CTNNA2: variants seen among roughly 807,000 people sequenced by gnomAD.
CTNNA2 encodes the protein catenin alpha 2.
CTNNA2 carries 42 observed loss-of-function variants against 101.0 expected under a neutral mutation model. The observed-to-expected ratio is 0.42, with a 90% CI of 0.32 to 0.54. The LOEUF is 0.54. Among genes scored for constraint, CTNNA2 ranks in the 20% least tolerant of loss-of-function variants. The probability of loss-of-function intolerance (pLI) is 0.14; values close to 1 mark genes in which losing one functional copy is unlikely to be tolerated. For missense variants in CTNNA2, 871 were observed against 1,223.1 expected (o/e 0.71, Z 4.29); for synonymous variants, 450 against 456.4 (o/e 0.99, Z 0.18).
intron 8 of CTNNA2, among the ~76,000 whole-genome samples, chr2:80,402,688 G>T (rs1427251981): frequency 6.6e-6 from 1 of 151,206 alleles, no homozygotes; most frequent in Non-Finnish European, 1.5e-5. Flanking sequence ...AGGAACCAGG[G>T]CAGAGGTCTG....
chr2:80,584,521 A>C (rs2149724624), intron 14 of CTNNA2, among the ~76,000 whole-genome samples: 1 of 151,990 alleles, frequency 6.6e-6, no homozygotes, highest in African/African-American at 2.4e-5. Flanking sequence ...TTACCCTTTG[A>C]TCCTAGACAT....
At chr2:80,008,402 CCTT>C (rs1693529215) in intron 7 of CTNNA2, among the ~76,000 whole-genome samples, 1 of 152,188 alleles carries the variant, frequency 6.6e-6, no homozygotes, top group Non-Finnish European at 1.5e-5. Flanking sequence ...GGAAAGCTAA[CCTT>C]CTCCCCAGGC....
chr2:79,462,015 A>C (rs914799132), intron 4 of CTNNA2, among the ~76,000 whole-genome samples: 1 of 152,142 alleles, frequency 6.6e-6, no homozygotes, highest in African/African-American at 2.4e-5. Flanking sequence ...CAGTGTGTGA[A>C]TTGTATGTTA....
chr2:80,568,352 T>G (rs771150212), intron 12 of CTNNA2, among the ~76,000 whole-genome samples: 1 of 152,262 alleles, frequency 6.6e-6, no homozygotes, highest in African/African-American at 2.4e-5. Flanking sequence ...TTCATCTTAA[T>G]TTTCCCCATT....
intron 6 of CTNNA2, among the ~76,000 whole-genome samples, chr2:79,886,392 G>A (rs1210761399): frequency 1.3e-5 from 2 of 152,020 alleles, no homozygotes; most frequent in African/African-American, 4.8e-5. Context: ...ATCCTGAAGA[G>A]CTATTCAGCC....
At chr2:80,093,259 G>GT (rs1222046704) in intron 7 of CTNNA2, among the ~76,000 whole-genome samples, 1 of 151,924 alleles carries the variant, frequency 6.6e-6, no homozygotes, top group Non-Finnish European at 1.5e-5. Context: ...GAGGTGTTTG[G>GT]TTTTTTGTCC....
At chr2:79,690,179 A>C (rs1245250460) in intron 2 of CTNNA2, among the ~76,000 whole-genome samples, 1 of 151,980 alleles carries the variant, frequency 6.6e-6, no homozygotes, top group Non-Finnish European at 1.5e-5. Context: ...AAAGAGACAA[A>C]GTTAAGTGCA....
intron 2 of CTNNA2, among the ~76,000 whole-genome samples, chr2:79,311,600 A>G (rs1414514702): frequency 6.6e-6 from 1 of 151,978 alleles, no homozygotes; most frequent in Non-Finnish European, 1.5e-5. Flanking sequence ...AACTTCCCAC[A>G]TCCCTAATCT....
chr2:80,134,202 A>G (rs1315515930), intron 7 of CTNNA2, among the ~76,000 whole-genome samples: 2 of 152,146 alleles, frequency 1.3e-5, no homozygotes, highest in Non-Finnish European at 1.5e-5. Context: ...TTAAGATGAG[A>G]GTAGGCTGAA....
chr2:80,034,971 C>G (rs1020338778), intron 7 of CTNNA2, among the ~76,000 whole-genome samples: 4 of 152,048 alleles, frequency 2.6e-5, no homozygotes, highest in Admixed American at 6.6e-5. Context: ...TGAAATAATA[C>G]GTAAAATTTC....
chr2:79,747,828 A>C (rs1040589284), intron 3 of CTNNA2, among the ~76,000 whole-genome samples: 2 of 152,196 alleles, frequency 1.3e-5, no homozygotes, highest in Non-Finnish European at 2.9e-5. Context: ...CTTACAAAAC[A>C]ATTCTATATC....
chr2:79,323,854 T>C (rs929435035), intron 3 of CTNNA2, among the ~76,000 whole-genome samples: 1 of 152,174 alleles, frequency 6.6e-6, no homozygotes, highest in Non-Finnish European at 1.5e-5. Context: ...TTCTTACCTA[T>C]GGCCATTGTT....
At chr2:80,595,179 G>GT (rs1363813331) in intron 15 of CTNNA2, among the ~76,000 whole-genome samples, 1 of 152,030 alleles carries the variant, frequency 6.6e-6, no homozygotes, top group Non-Finnish European at 1.5e-5. Context: ...ATATTTTGTA[G>GT]TTTTCAGCAT....
At chr2:80,636,680 C>T (rs1241934189) in intron 18 of CTNNA2, among the ~76,000 whole-genome samples, 2 of 151,976 alleles carry the variant, frequency 1.3e-5, no homozygotes, top group East Asian at 3.9e-4. Context: ...TTGAAGTGGT[C>T]GTATAAAATA....
intron 7 of CTNNA2, among the ~76,000 whole-genome samples, chr2:80,065,906 C>T (rs1261935413): frequency 6.6e-6 from 1 of 152,170 alleles, no homozygotes; most frequent in Non-Finnish European, 1.5e-5. Context: ...TTCCTCTTTC[C>T]AATTCCTGAA....
At chr2:80,588,670 G>A (rs534733926) in intron 14 of CTNNA2, among the ~76,000 whole-genome samples, 5 of 152,058 alleles carry the variant, frequency 3.3e-5, no homozygotes, top group South Asian at 2.1e-4. Flanking sequence ...TTCTGCCTAC[G>A]TACTCAAAGG....
intron 9 of CTNNA2, among the ~76,000 whole-genome samples, chr2:80,447,930 T>C (rs1022881389): frequency 2.2e-4 from 34 of 152,202 alleles, no homozygotes; most frequent in Middle Eastern, 3.2e-3. Context: ...AATCTTTTCA[T>C]CCTTACCTTT....
At chr2:79,850,369 G>C (rs188827584) in intron 3 of CTNNA2, among the ~76,000 whole-genome samples, 1,078 of 77,460 alleles carry the variant, frequency 0.014, 25 homozygotes, top group African/African-American at 0.057. Flanking sequence ...CTTCATCCCT[G>C]CCTCCCTCCC....
intron 4 of CTNNA2, among the ~76,000 whole-genome samples, chr2:79,431,777 T>C (rs1034271540): frequency 4.6e-5 from 7 of 152,162 alleles, no homozygotes; most frequent in Admixed American, 3.3e-4. Context: ...ATTCAGTAAT[T>C]GTTCTTAGCT....
Sources: gnomAD v4.1 joint callset for allele counts (sites outside exome capture counted in the v4.1 genomes callset) on GRCh38, gnomAD v4.1.1 for gene constraint, MANE v1.5 for transcripts, NCBI Gene and HGNC (gene_info 2026-07-23, HGNC 2026-07-21) for gene names.